Variants in GRID1 observed in about 807,000 individuals in gnomAD.
GRID1 encodes glutamate ionotropic receptor delta type subunit 1.
Under a neutral mutation model 98.0 loss-of-function variants are expected in GRID1, and 28 were observed. The observed-to-expected ratio is 0.29, with a 90% CI of 0.21 to 0.39. The LOEUF (loss-of-function observed/expected upper bound fraction) is 0.39, where lower values mean the gene tolerates loss of function less well. Among genes scored for constraint, GRID1 ranks in the 10% least tolerant of loss-of-function variants. The pLI is 1.00. For synonymous variants in GRID1, 553 were observed against 538.5 expected, an observed-to-expected ratio of 1.03 and a Z score of -0.37; for missense variants, 1,111 against 1,340.5, an observed-to-expected ratio of 0.83 and a Z score of 2.67.
chr10:86,041,324 A>G (rs1843342579), intron 4 of GRID1, among the ~76,000 whole-genome samples: 1 of 152,172 alleles, frequency 6.6e-6, no homozygotes, highest in South Asian at 2.1e-4. Flanking sequence ...ACAGAGCAAA[A>G]TGTGCATCTG....
chr10:86,224,861 G>A (rs961175356), intron 2 of GRID1, among the ~76,000 whole-genome samples: 22 of 152,022 alleles, frequency 1.4e-4, no homozygotes, highest in African/African-American at 3.6e-4. Flanking sequence ...TCCCACCCTC[G>A]CAACATCCAG....
intron 4 of GRID1, among the ~76,000 whole-genome samples, chr10:86,018,050 T>C (rs1308146034): frequency 6.6e-6 from 1 of 152,136 alleles, no homozygotes; most frequent in African/African-American, 2.4e-5. Context: ...TCCCAGGCAC[T>C]TCACACCCAG....
At chr10:85,833,780 A>G (rs1842890044) in intron 8 of GRID1, among the ~76,000 whole-genome samples, 1 of 152,218 alleles carries the variant, frequency 6.6e-6, no homozygotes, top group Admixed American at 6.5e-5. Flanking sequence ...GGACAAGAAG[A>G]TATAGAATAG....
chr10:85,702,100 T>C (rs1378199467), intron 12 of GRID1, among the ~76,000 whole-genome samples: 1 of 152,142 alleles, frequency 6.6e-6, no homozygotes, highest in African/African-American at 2.4e-5. Flanking sequence ...GAATATATTG[T>C]TAGAAAAGCA....
chr10:85,997,771 A>G (rs570926020), intron 4 of GRID1, among the ~76,000 whole-genome samples: 1 of 152,212 alleles, frequency 6.6e-6, no homozygotes, highest in Admixed American at 6.5e-5. Context: ...TCAAAAATTG[A>G]TGGAATATGT....
chr10:85,881,510 A>C (rs1261343470), intron 5 of GRID1, among the ~76,000 whole-genome samples: 1 of 152,242 alleles, frequency 6.6e-6, no homozygotes, highest in Non-Finnish European at 1.5e-5. Flanking sequence ...CCTGACAAAA[A>C]CAAGCAATGG....
intron 4 of GRID1, among the ~76,000 whole-genome samples, chr10:86,056,368 T>C (rs1445596645): frequency 6.6e-6 from 1 of 152,198 alleles, no homozygotes; most frequent in East Asian, 1.9e-4. Flanking sequence ...AAGGAAGTGC[T>C]CATTTGTCCA....
chr10:86,252,288 CG>C (rs1846848195), intron 2 of GRID1, among the ~76,000 whole-genome samples: 1 of 152,204 alleles, frequency 6.6e-6, no homozygotes, highest in South Asian at 2.1e-4. Context: ...CCTTCAGCCT[CG>C]GGCTGTCCAA....
At chr10:85,618,267 T>G (rs1462931095) in intron 14 of GRID1, among the ~76,000 whole-genome samples, 1 of 152,120 alleles carries the variant, frequency 6.6e-6, no homozygotes, top group East Asian at 1.9e-4. Context: ...GAGCGCTGCC[T>G]TGGGGTACAT....
chr10:86,348,301 C>T (rs1209090421), intron 2 of GRID1, among the ~76,000 whole-genome samples: 1 of 152,226 alleles, frequency 6.6e-6, no homozygotes, highest in Non-Finnish European at 1.5e-5. Flanking sequence ...AGAAGCCAGA[C>T]ACCAAAGATA....
chr10:85,750,518 C>G (rs1469880767), intron 8 of GRID1, among the ~76,000 whole-genome samples: 1 of 152,144 alleles, frequency 6.6e-6, no homozygotes, highest in Non-Finnish European at 1.5e-5. Context: ...GGAAATATGT[C>G]CAATCTAATA....
At chr10:85,993,781 A>G (rs1430267871) in intron 4 of GRID1, among the ~76,000 whole-genome samples, 1 of 152,212 alleles carries the variant, frequency 6.6e-6, no homozygotes, top group Non-Finnish European at 1.5e-5. Context: ...TGTAAAGTAA[A>G]ATTACATTAT....
chr10:85,934,227 G>C lies in GRID1; in HGVS notation c.727-17988C>G, dbSNP rs553563022. Among the ~76,000 whole-genome samples the C allele has an allele frequency of 1.1e-4, 17 of 152,284 alleles. No homozygotes were observed. In the South Asian group the frequency reaches 3.5e-3, roughly 32 times the overall value. Reference sequence around the variant, plus strand: ...GCTTCATGGAGGTACTGGGCTGAAAGAGTGAGAGGTTTGGGTAGACCTAAA... The same window carrying C: ...GCTTCATGGAGGTACTGGGCTGAAACAGTGAGAGGTTTGGGTAGACCTAAA... On this transcript the variant is annotated intron_variant, in intron 4 of 15. Transcript: ENST00000327946.
Position 86,195,262 on chromosome 10 carries a change from G to C in GRID1, c.520+11102C>G, listed in dbSNP as rs1449277016. 6.6e-6 allele frequency among the ~76,000 whole-genome samples: 1 copy of C among 152,070 alleles called. No homozygotes were observed. Among genetic ancestry groups the C allele is most frequent in the Admixed American group, 6.6e-5 (1 of 15,252 alleles). The stretch of plus-strand genomic sequence containing the variant: ...CTTCTACATTTGCTGTAAAGGTTGA[G>C]CTGGAATTGCCATCCATTCTGTCCT... On this transcript the variant is annotated intron_variant, in intron 3 of 15. Transcript: ENST00000327946. This position sits in a 1 kb window ranked among gnomAD's most constrained non-coding sequence, Gnocchi z 4.4.
chr10:86,222,380 C>T (rs1465807653), intron 2 of GRID1, among the ~76,000 whole-genome samples: 1 of 152,166 alleles, frequency 6.6e-6, no homozygotes, highest in African/African-American at 2.4e-5. Context: ...CCTTAGCTGC[C>T]CTCAGAGCCT....
intron 4 of GRID1, among the ~76,000 whole-genome samples, chr10:85,918,852 G>A (rs891045136): frequency 3.3e-5 from 5 of 152,232 alleles, no homozygotes; most frequent in African/African-American, 7.2e-5. Flanking sequence ...TGTTTTCTAA[G>A]AAGGTTGACC....
At chr10:86,141,010 G>T (rs1255226435) in intron 3 of GRID1, among the ~76,000 whole-genome samples, 4 of 151,978 alleles carry the variant, frequency 2.6e-5, no homozygotes, top group African/African-American at 9.7e-5. Flanking sequence ...TCAGCAGCCT[G>T]GTCCCTGGAG....
intron 8 of GRID1, among the ~76,000 whole-genome samples, chr10:85,783,629 A>C (rs1356365155): frequency 6.6e-6 from 1 of 152,192 alleles, no homozygotes; most frequent in Admixed American, 6.5e-5. Context: ...GATCTTGCTA[A>C]AAACACTTCG....
chr10:85,635,294 T>C (rs1843025491), intron 13 of GRID1, among the ~76,000 whole-genome samples: 1 of 152,038 alleles, frequency 6.6e-6, no homozygotes, highest in Non-Finnish European at 1.5e-5. Flanking sequence ...CCCAAACCAA[T>C]CATCACCAAA....
Sources: allele counts gnomAD v4.1 joint callset (sites outside exome capture counted in the v4.1 genomes callset), GRCh38; gene constraint gnomAD v4.1.1; non-coding constraint Gnocchi (gnomAD v3.1); transcripts MANE v1.5; gene names NCBI Gene and HGNC (gene_info 2026-07-23, HGNC 2026-07-21).